IRAG2: variants seen among roughly 807,000 people sequenced by gnomAD.
The protein encoded by IRAG2 is lymphoid restricted membrane protein.
In IRAG2, 45 loss-of-function variants were observed where a neutral mutation model predicts 69.9. That is an observed-to-expected ratio of 0.64 (90% CI 0.51 to 0.83). The LOEUF (loss-of-function observed/expected upper bound fraction) is 0.83, where lower values mean the gene tolerates loss of function less well. Ranked by LOEUF, IRAG2 falls within the 40% of genes least tolerant of loss-of-function variation. The probability of loss-of-function intolerance (pLI) is 0.00; values close to 1 mark genes in which losing one functional copy is unlikely to be tolerated. For missense variants in IRAG2, 520 were observed against 587.0 expected, an observed-to-expected ratio of 0.89 and a Z score of 1.18; for synonymous variants, 193 against 202.4, an observed-to-expected ratio of 0.95 and a Z score of 0.40.
chr12:25,086,294 G>T (rs957871192), intron 10 of IRAG2, among the ~76,000 whole-genome samples: 29 of 152,078 alleles, frequency 1.9e-4, no homozygotes, highest in Middle Eastern at 3.2e-3. Context: ...ATGGGAAACG[G>T]TAGATACCCA....
intron 1 of IRAG2, among the ~76,000 whole-genome samples, chr12:25,060,260 G>C (rs1400856605): frequency 6.6e-6 from 1 of 151,992 alleles, no homozygotes; most frequent in Non-Finnish European, 1.5e-5. Context: ...CAAAAGATTT[G>C]GGTTTATTTT....
intron 3 of IRAG2, among the ~76,000 whole-genome samples, chr12:25,012,740 A>G (rs1415802165): frequency 6.6e-6 from 1 of 152,112 alleles, no homozygotes; most frequent in Non-Finnish European, 1.5e-5. Flanking sequence ...AGGCGGGAGA[A>G]TTGCTTGAAC....
At chr12:25,023,889 C>T (rs1944602192) in exon 8 of IRAG2, 1 of 1,228,302 alleles carries the variant, frequency 8.1e-7, no homozygotes, top group African/African-American at 1.6e-5. Flanking sequence ...AAACCGGGCT[C>T]TGATTCTTAA....
Position 25,079,707 on chromosome 12 carries a change from C to A in IRAG2, c.188C>A (p.Ser63Ter). 1.2e-6 allele frequency: 2 copies of A among 1,613,980 alleles called. No individual in the cohort carries two copies. Among genetic ancestry groups the A allele is most frequent in the Non-Finnish European group, 1.7e-6 (2 of 1,179,918 alleles). Reference sequence around the variant, plus strand: ...GCTTCTTGTGACCTTGACAGAAACTCGCTCTGTAAGAAAGAGGAGGATACA... The same window carrying A: ...GCTTCTTGTGACCTTGACAGAAACTAGCTCTGTAAGAAAGAGGAGGATACA... ...NMASCDLDRN[S>*]LCKKEEDTRS... Residue 63 changes from serine (S) to a stop codon, truncating the protein, a stop_gained, in exon 9 of 22, where the codon TCG becomes TAG. Transcript: ENST00000556887. LOFTEE classifies it high-confidence loss of function.
intron 10 of IRAG2, among the ~76,000 whole-genome samples, chr12:25,030,807 T>C (rs1465112514): frequency 2.0e-5 from 3 of 152,254 alleles, no homozygotes; most frequent in Non-Finnish European, 4.4e-5. Context: ...CAAATATTAG[T>C]GTGCCAATCT....
intron 15 of IRAG2, chr12:25,100,881 A>G (rs148567578): frequency 0.012 from 2,559 of 210,720 alleles, 37 homozygotes; most frequent in Middle Eastern, 0.022. Context: ...CATACCCACC[A>G]TCAACCTTAC....
chr12:25,078,533 A>C (rs185050436), intron 6 of IRAG2, among the ~76,000 whole-genome samples: 1 of 152,300 alleles, frequency 6.6e-6, no homozygotes, highest in Admixed American at 6.5e-5. Context: ...CAAATAATTA[A>C]AATAATATAC....
intron 16 of IRAG2, among the ~76,000 whole-genome samples, chr12:25,046,345 T>C (rs1018215009): frequency 2.6e-5 from 4 of 151,918 alleles, no homozygotes; most frequent in Non-Finnish European, 5.9e-5. Context: ...AGTGTAGTAC[T>C]AGCCAGAGCA....
At chr12:25,063,555 A>G (rs74371334) in intron 3 of IRAG2, among the ~76,000 whole-genome samples, 165 bp from the exon 4 acceptor site, 1 of 152,324 alleles carries the variant, frequency 6.6e-6, no homozygotes, top group African/African-American at 2.4e-5. Flanking sequence ...TTGATCAAAC[A>G]CTTGAAAGCT....
chr12:25,040,273 C>T (rs1944737338), intron 16 of IRAG2, among the ~76,000 whole-genome samples: 1 of 152,154 alleles, frequency 6.6e-6, no homozygotes, highest in Non-Finnish European at 1.5e-5. Context: ...CTTTGGGAAG[C>T]CAAGACAGGA....
intron 6 of IRAG2, among the ~76,000 whole-genome samples, chr12:25,077,231 T>TATATATGAAATATATATG (rs1565562422): frequency 4.4e-5 from 2 of 45,514 alleles, no homozygotes; most frequent in African/African-American, 1.5e-4. Flanking sequence ...ATATATATGA[T>TATATATGAAATATATATG]ATATATATGA....
upstream of IRAG2, among the ~76,000 whole-genome samples, chr12:25,047,950 G>T (rs758218737): frequency 6.6e-6 from 1 of 152,172 alleles, no homozygotes; most frequent in African/African-American, 2.4e-5. Context: ...ATAATAGAAT[G>T]ATTTATATTC....
At chr12:25,036,472 C>T (rs370248371) in intron 14 of IRAG2, 7 of 395,198 alleles carry the variant, frequency 1.8e-5, no homozygotes, top group African/African-American at 1.0e-4. Context: ...TGCAAAGGAA[C>T]GTATTCTGGT....
intron 16 of IRAG2, among the ~76,000 whole-genome samples, chr12:25,041,686 C>G (rs1321428167): frequency 1.6e-5 from 1 of 63,494 alleles, no homozygotes. Context: ...TTTTTTTTTT[C>G]AGTAGAGATG....
rs1476166429 is a variant in IRAG2, at chr12:25,021,009, T to G, written c.1332+102T>G. ...GGAACATCAGAAGTCAATATCCTGA[T>G]GAATGAATTGGTAACACTTTAGAAA... On this transcript the variant is annotated intron_variant, in intron 7 of 38. Coordinates refer to the IRAG2 transcript ENST00000636465. 8.2e-6 allele frequency: 4 copies of G among 487,994 alleles called. No homozygotes were observed. The South Asian group carries it at 3.3e-4, about 41-fold the overall frequency. 30.2% of individuals were successfully genotyped at this position (487,994 alleles called of 1,614,324 possible). A position where few individuals can be genotyped will look rare whatever the true frequency, so the allele number is the denominator to read the frequency against.
At chr12:25,008,024 AG>A (rs1944446054) in intron 2 of IRAG2, among the ~76,000 whole-genome samples, 1 of 152,146 alleles carries the variant, frequency 6.6e-6, no homozygotes, top group South Asian at 2.1e-4. Context: ...AACCATTGAG[AG>A]TAATGGCAAA....
chr12:25,084,763 T>G (rs1054824980), intron 10 of IRAG2, among the ~76,000 whole-genome samples: 6 of 152,244 alleles, frequency 3.9e-5, no homozygotes, highest in African/African-American at 1.4e-4. Context: ...TTTGGAACAA[T>G]GACATGATGT....
At chr12:25,026,517 T>C (rs577989157) in intron 8 of IRAG2, among the ~76,000 whole-genome samples, 2 of 152,026 alleles carry the variant, frequency 1.3e-5, no homozygotes, top group East Asian at 3.9e-4. Flanking sequence ...CCAGGGGGGA[T>C]TGAAGGTTTG....
At chr12:25,020,164 G>A (rs1436009453) in intron 6 of IRAG2, among the ~76,000 whole-genome samples, 9 of 152,184 alleles carry the variant, frequency 5.9e-5, no homozygotes, top group South Asian at 2.1e-4. Context: ...ATAATCTAAC[G>A]GGAGCTACAG....
Sources: allele counts gnomAD v4.1 joint callset (sites outside exome capture counted in the v4.1 genomes callset), GRCh38; gene constraint gnomAD v4.1.1; transcripts MANE v1.5; gene names NCBI Gene and HGNC (gene_info 2026-07-23, HGNC 2026-07-21).